SYT16: variants seen among roughly 807,000 people sequenced by gnomAD.
SYT16 encodes the protein synaptotagmin-16.
In SYT16, 42 loss-of-function variants were observed where a neutral mutation model predicts 61.4. That is an observed-to-expected ratio of 0.68 (90% CI 0.53 to 0.89). The LOEUF is 0.89. Among genes scored for constraint, SYT16 ranks in the 40% least tolerant of loss-of-function variants. The pLI, the probability that SYT16 is intolerant of heterozygous loss-of-function variation, is 0.00. For missense variants in SYT16, 804 were observed against 807.3 expected, an observed-to-expected ratio of 1.00 and a Z score of 0.05; for synonymous variants, 314 against 302.3, an observed-to-expected ratio of 1.04 and a Z score of -0.40.
At chr14:62,074,125 G>A (rs2056396396) in intron 4 of SYT16, among the ~76,000 whole-genome samples, 1 of 152,170 alleles carries the variant, frequency 6.6e-6, no homozygotes, top group South Asian at 2.1e-4. Context: ...CTTTGGGTGT[G>A]GGAGGCAAAT....
At chr14:61,862,911 T>C (rs1391681706) in intron 1 of SYT16, among the ~76,000 whole-genome samples, 3 of 152,246 alleles carry the variant, frequency 2.0e-5, no homozygotes, top group Non-Finnish European at 4.4e-5. Flanking sequence ...CTTTGTAATA[T>C]GCATTTAAAT....
intron 1 of SYT16, among the ~76,000 whole-genome samples, chr14:61,935,606 C>T (rs767045235): frequency 1.3e-5 from 2 of 152,092 alleles, no homozygotes; most frequent in African/African-American, 4.8e-5. Flanking sequence ...TGAAACGGAC[C>T]AAGCACAGAG....
intron 1 of SYT16, among the ~76,000 whole-genome samples, chr14:61,868,095 G>GA (rs2047217574): frequency 6.6e-6 from 1 of 151,892 alleles, no homozygotes; most frequent in Non-Finnish European, 1.5e-5. Context: ...TCTTGTTCAT[G>GA]AAAAATATTG....
chr14:62,046,674 T>G (rs140495217), intron 3 of SYT16, among the ~76,000 whole-genome samples: 45 of 152,280 alleles, frequency 3.0e-4, no homozygotes, highest in African/African-American at 9.6e-4. Context: ...CTACATATGG[T>G]TAGCCAGTTT....
chr14:61,825,238 T>C (rs1477081465), intron 1 of SYT16, among the ~76,000 whole-genome samples: 1 of 152,188 alleles, frequency 6.6e-6, no homozygotes, highest in East Asian at 1.9e-4. Context: ...TCAGGGTGGT[T>C]ATTCAGGATT....
chr14:61,866,569 CT>C (rs894787432), intron 1 of SYT16, among the ~76,000 whole-genome samples: 6 of 151,942 alleles, frequency 3.9e-5, no homozygotes. Context: ...TATACCTATT[CT>C]TTGGTAATAT....
chr14:62,038,931 A>G (rs534603219), intron 3 of SYT16, among the ~76,000 whole-genome samples: 2 of 152,328 alleles, frequency 1.3e-5, no homozygotes, highest in East Asian at 1.9e-4. Flanking sequence ...TTGTGCCTAC[A>G]AAGTGTTTCT....
intron 1 of SYT16, among the ~76,000 whole-genome samples, chr14:61,818,641 G>A (rs2045517398): frequency 6.9e-6 from 1 of 144,880 alleles, no homozygotes; most frequent in Admixed American, 7.1e-5. Context: ...TTGCTTCACC[G>A]CACTCCAGCC....
At chr14:61,863,210 A>C (rs189048814) in intron 1 of SYT16, among the ~76,000 whole-genome samples, 2 of 152,232 alleles carry the variant, frequency 1.3e-5, no homozygotes, top group African/African-American at 2.4e-5. Flanking sequence ...CGTCTTCCAA[A>C]GTGGTTGTAC....
rs1161708996 is a variant in SYT16 at position 62,021,088 on chromosome 14, A to G, written c.523+24546A>G. ...TCATCTTGTATTATAATAATTATTA[A>G]GGCTTTTTGTGATGTTCTGTAAATA... On this transcript the variant is annotated intron_variant, in intron 3 of 7. Transcript: ENST00000683842. Among the ~76,000 whole-genome samples the G allele has an allele frequency of 2.6e-5, 4 of 152,124 alleles. No individual in the cohort carries two copies. The East Asian group carries it at 5.8e-4, about 22-fold the overall frequency.
At chr14:61,859,485 C>T (rs1350549099) in intron 1 of SYT16, among the ~76,000 whole-genome samples, 1 of 151,972 alleles carries the variant, frequency 6.6e-6, no homozygotes, top group Non-Finnish European at 1.5e-5. Flanking sequence ...TACAATCCGG[C>T]ACATCCACAG....
At chr14:62,059,008 G>T (rs893175732) in intron 3 of SYT16, among the ~76,000 whole-genome samples, 2 of 152,068 alleles carry the variant, frequency 1.3e-5, no homozygotes, top group African/African-American at 4.8e-5. Flanking sequence ...CTTATAAGTG[G>T]GAGCTAAATG....
rs139946800 is a variant in SYT16, at chr14:61,968,130, G to A, written c.-324-2002G>A. Among the ~76,000 whole-genome samples the A allele has an allele frequency of 1.4e-3, 211 of 152,166 alleles. 1 individual carries two copies. Among genetic ancestry groups the A allele is most frequent in the East Asian group, 5.0e-3 (26 of 5,180 alleles). On this transcript the variant is annotated intron_variant, in intron 1 of 7. Coordinates refer to ENST00000683842, the MANE Select transcript of SYT16 (RefSeq NM_001367656.1). ...ACCAAAATTAGCTGGGTATGGTGGC[G>A]CATGCCTGAAATCCCAGCTACTCAA...
intron 1 of SYT16, among the ~76,000 whole-genome samples, chr14:61,846,272 A>G (rs1211478971): frequency 6.6e-6 from 1 of 152,096 alleles, no homozygotes; most frequent in Non-Finnish European, 1.5e-5. Context: ...TCCACTTATT[A>G]TTAGCTATTA....
At chr14:61,930,209 C>T (rs974622494) in intron 1 of SYT16, among the ~76,000 whole-genome samples, 4 of 152,136 alleles carry the variant, frequency 2.6e-5, no homozygotes, top group African/African-American at 9.7e-5. Flanking sequence ...TCTCTCACTT[C>T]ATCCATGAGT....
chr14:61,855,010 A>G (rs1199975450), intron 1 of SYT16, among the ~76,000 whole-genome samples: 2 of 152,234 alleles, frequency 1.3e-5, no homozygotes, highest in Non-Finnish European at 1.5e-5. Context: ...ACTTGCTTGT[A>G]TAGGAAATGG....
intron 3 of SYT16, among the ~76,000 whole-genome samples, chr14:62,020,869 T>C (rs1481649781): frequency 6.6e-6 from 1 of 152,200 alleles, no homozygotes; most frequent in Non-Finnish European, 1.5e-5. Flanking sequence ...ACATGGCTTC[T>C]CAGGATGCAG....
At chr14:62,028,379 G>A (rs77642878) in intron 3 of SYT16, among the ~76,000 whole-genome samples, 25,850 of 152,076 alleles carry the variant, frequency 0.17, 3,504 homozygotes, top group African/African-American at 0.38. Context: ...CAACAATTCT[G>A]TAAATACTAT....
At chr14:62,051,270 C>T (rs2055278833) in intron 3 of SYT16, among the ~76,000 whole-genome samples, 1 of 152,244 alleles carries the variant, frequency 6.6e-6, no homozygotes, top group African/African-American at 2.4e-5. Flanking sequence ...CCCTCCGAGC[C>T]ATGTGCGGGA....
Sources: allele counts gnomAD v4.1 joint callset (sites outside exome capture counted in the v4.1 genomes callset), GRCh38; gene constraint gnomAD v4.1.1; transcripts MANE v1.5; gene names NCBI Gene and HGNC (gene_info 2026-07-23, HGNC 2026-07-21).